NXN: variants seen among roughly 807,000 people sequenced by gnomAD.
NXN encodes the protein nucleoredoxin 1.
NXN carries 16 observed loss-of-function variants against 48.6 expected under a neutral mutation model. That is an observed-to-expected ratio of 0.33 (90% CI 0.22 to 0.50). NXN has a LOEUF of 0.50. Among genes scored for constraint, NXN ranks in the 20% least tolerant of loss-of-function variants. The pLI, the probability that NXN is intolerant of heterozygous loss-of-function variation, is 0.98. For missense variants in NXN, 492 were observed against 605.5 expected (o/e 0.81, Z 1.97); for synonymous variants, 281 against 269.6 (o/e 1.04, Z -0.41).
chr17:853,723 A>ATATATATATATATATATATATTT (rs1491528474), intron 1 of NXN, among the ~76,000 whole-genome samples: 8 of 105,972 alleles, frequency 7.5e-5, no homozygotes, highest in African/African-American at 2.6e-4. Context: ...ATATATATAT[A>ATATATATATATATATATATATTT]TTTTTTTTTT....
At chr17:933,798 G>A (rs1346582077) in intron 1 of NXN, among the ~76,000 whole-genome samples, 1 of 152,066 alleles carries the variant, frequency 6.6e-6, no homozygotes, top group Non-Finnish European at 1.5e-5. Flanking sequence ...TTAGAAATGT[G>A]CCTTCGTGTA....
chr17:957,486 C>G (rs886847238), intron 1 of NXN, among the ~76,000 whole-genome samples: 4 of 151,950 alleles, frequency 2.6e-5, no homozygotes, highest in Non-Finnish European at 5.9e-5. Context: ...ACAAAAATTA[C>G]CTGAGCGTGG....
intron 1 of NXN, chr17:863,767 C>T: frequency 1.6e-6 from 1 of 619,344 alleles, no homozygotes; most frequent in Non-Finnish European, 2.9e-6. Context: ...CTGGCTGACA[C>T]TGTATTTTTG....
chr17:840,969 G>A (rs754639050), intron 1 of NXN, among the ~76,000 whole-genome samples: 9 of 152,214 alleles, frequency 5.9e-5, no homozygotes, highest in African/African-American at 9.7e-5. Context: ...TCCACCGCAC[G>A]GCGGCGGGAG....
intron 1 of NXN, among the ~76,000 whole-genome samples, chr17:848,527 A>C (rs1014086666): frequency 6.6e-6 from 1 of 152,258 alleles, no homozygotes; most frequent in Non-Finnish European, 1.5e-5. Context: ...GTGCCTGGTC[A>C]TTAAGAAAAA....
intron 5 of NXN, among the ~76,000 whole-genome samples, chr17:816,356 A>G (rs79029899): frequency 6.1e-5 from 1 of 16,380 alleles, no homozygotes; most frequent in Non-Finnish European, 8.2e-5. Context: ...CATGGTCTCT[A>G]AGGAGAGTGC....
chr17:825,397 T>C lies in NXN; in HGVS notation c.478+564A>G, dbSNP rs1913045787. ...GGAGATCTCACAGCCCTGTTCTCAC[T>C]CACTGCCAGAGGGAAAGACGCCACG... is the stretch of plus-strand genomic sequence containing the variant. On this transcript the variant is annotated intron_variant, in intron 2 of 7. Transcript: ENST00000336868. This position sits in a 1 kb window ranked among gnomAD's most constrained non-coding sequence, Gnocchi z 4.1. Among the ~76,000 whole-genome samples, 1 of 152,058 alleles carries C rather than the reference T, an allele frequency of 6.6e-6. No homozygotes were observed. Among genetic ancestry groups the C allele is most frequent in the African/African-American group, 2.4e-5 (1 of 41,430 alleles).
intron 1 of NXN, among the ~76,000 whole-genome samples, chr17:906,758 C>A (rs1406026509): frequency 6.6e-6 from 1 of 150,582 alleles, no homozygotes; most frequent in East Asian, 1.9e-4. Flanking sequence ...TAGTGGAAAT[C>A]GGGTTTCATT....
chr17:855,244 T>C (rs964011570), intron 1 of NXN, among the ~76,000 whole-genome samples: 35 of 152,130 alleles, frequency 2.3e-4, no homozygotes, highest in Admixed American at 2.0e-3. Context: ...CGCCACTGCA[T>C]TCCAGCTTGA....
chr17:814,142 A>G (rs1254875130), intron 5 of NXN, among the ~76,000 whole-genome samples: 1 of 151,846 alleles, frequency 6.6e-6, no homozygotes, highest in Non-Finnish European at 1.5e-5. Flanking sequence ...GGTGCCTATA[A>G]TCCCAGCTAC....
At chr17:829,806 C>CT (rs879868588) in intron 1 of NXN, among the ~76,000 whole-genome samples, 1 of 152,158 alleles carries the variant, frequency 6.6e-6, no homozygotes, top group Non-Finnish European at 1.5e-5. Flanking sequence ...TGAACTCATT[C>CT]TTTTTTATGG....
intron 1 of NXN, among the ~76,000 whole-genome samples, chr17:863,369 G>A (rs1018768337): frequency 3.1e-4 from 47 of 151,880 alleles, no homozygotes; most frequent in African/African-American, 1.1e-3. Context: ...GGGTTTCACC[G>A]TGTGAGCCAG....
intron 1 of NXN, among the ~76,000 whole-genome samples, 193 bp from the exon 2 acceptor site, chr17:826,271 G>A (rs1380043223): frequency 6.6e-6 from 1 of 151,970 alleles, no homozygotes; most frequent in Non-Finnish European, 1.5e-5. Context: ...CCCGGGGTCT[G>A]TGACAGTGCG....
At chr17:960,249 A>C (rs1430753045) in intron 1 of NXN, among the ~76,000 whole-genome samples, 1 of 152,236 alleles carries the variant, frequency 6.6e-6, no homozygotes, top group African/African-American at 2.4e-5. Flanking sequence ...TGCCATCTAT[A>C]ATCATGGTAT....
intron 1 of NXN, among the ~76,000 whole-genome samples, chr17:891,862 G>C (rs1414860967): frequency 8.2e-6 from 1 of 121,830 alleles, no homozygotes; most frequent in Non-Finnish European, 1.7e-5. Flanking sequence ...CAGCCCAACA[G>C]GGAACCTAAA....
chr17:819,826 C>T (rs1912721150), intron 4 of NXN, among the ~76,000 whole-genome samples: 1 of 152,176 alleles, frequency 6.6e-6, no homozygotes, highest in Non-Finnish European at 1.5e-5. Context: ...CTTTCCATTT[C>T]TCAGCACAGA....
chr17:825,526 C>T lies in NXN; in HGVS notation c.478+435G>A, dbSNP rs984350614. 4 of 165,722 alleles carry T rather than the reference C, an allele frequency of 2.4e-5. No homozygotes were observed. The highest frequency in any genetic ancestry group is 1.5e-4 in the South Asian group (1 of 6,774). The allele number at this position is 165,722 out of a possible 1,614,324, so 10.3% of individuals were successfully genotyped here. ...GCTCCAAGCAACGAGGTGCACTCAC[C>T]GCCAAGGCCAGGAGAGTGACACGGG... On this transcript the variant is annotated intron_variant, in intron 2 of 7. Coordinates refer to ENST00000336868, the MANE Select transcript of NXN (RefSeq NM_022463.5). This position sits in a 1 kb window ranked among gnomAD's most constrained non-coding sequence, Gnocchi z 4.1.
rs536661282 is a variant in NXN, at chr17:917,089, G to A, written c.360+62230C>T. 1.3e-5 allele frequency among the ~76,000 whole-genome samples: 2 copies of A among 151,866 alleles called. No homozygotes were observed. Among genetic ancestry groups the A allele is most frequent in the East Asian group, 1.9e-4 (1 of 5,176 alleles). ...TGCTGAAGCTACAAATCAAACATCC[G>A]CTTTGCCTCCAACAAGATTCCCTGT... On this transcript the variant is annotated intron_variant, in intron 1 of 7. Coordinates refer to ENST00000336868, the MANE Select transcript of NXN (RefSeq NM_022463.5). This position sits in a 1 kb window ranked among gnomAD's most constrained non-coding sequence, Gnocchi z 4.5.
chr17:943,359 G>A (rs766117983), intron 1 of NXN, among the ~76,000 whole-genome samples: 25 of 152,062 alleles, frequency 1.6e-4, no homozygotes, highest in South Asian at 4.2e-4. Flanking sequence ...CACGGAGGTC[G>A]ACTGGCCAGA....
Sources: gnomAD v4.1 joint callset for allele counts (sites outside exome capture counted in the v4.1 genomes callset) on GRCh38, gnomAD v4.1.1 for gene constraint, Gnocchi (gnomAD v3.1) non-coding constraint, MANE v1.5 for transcripts, NCBI Gene and HGNC (gene_info 2026-07-23, HGNC 2026-07-21) for gene names.